The following CRTAM variants were observed in gnomAD, a reference collection of about 807,000 sequenced individuals.
CRTAM encodes cytotoxic and regulatory T-cell molecule.
Under a neutral mutation model 50.0 loss-of-function variants are expected in CRTAM, and 44 were observed. The ratio of observed to expected loss-of-function variants is 0.88; its 90% CI spans 0.69 to 1.13. CRTAM has a LOEUF of 1.13. Among genes scored for constraint, CRTAM ranks in the 50% most tolerant of loss-of-function variants. The pLI, the probability that CRTAM is intolerant of heterozygous loss-of-function variation, is 0.00. For synonymous variants in CRTAM, 159 were observed against 169.3 expected, an observed-to-expected ratio of 0.94 and a Z score of 0.47; for missense variants, 448 against 457.5, an observed-to-expected ratio of 0.98 and a Z score of 0.19.
intron 5 of CRTAM, among the ~76,000 whole-genome samples, chr11:122,857,645 T>C (rs757788261): frequency 6.6e-6 from 1 of 152,220 alleles, no homozygotes; most frequent in South Asian, 2.1e-4. Context: ...CATATAGATG[T>C]TACAAACATT....
chr11:122,868,301 A>G (rs1862208482), intron 9 of CRTAM, among the ~76,000 whole-genome samples: 1 of 151,262 alleles, frequency 6.6e-6, no homozygotes, highest in African/African-American at 2.4e-5. Flanking sequence ...GTCCTTGGAC[A>G]GGAGGTCTGC....
At chr11:122,853,412 G>A (rs1295156915) in intron 3 of CRTAM, among the ~76,000 whole-genome samples, 3 of 151,966 alleles carry the variant, frequency 2.0e-5, no homozygotes, top group African/African-American at 7.3e-5. Context: ...TTGCTTGTTC[G>A]GGAATTTTCA....
At chr11:122,860,828 C>T (rs1197391710) in intron 5 of CRTAM, among the ~76,000 whole-genome samples, 3 of 152,246 alleles carry the variant, frequency 2.0e-5, no homozygotes, top group Admixed American at 6.5e-5. Flanking sequence ...CCTTGGCCTC[C>T]TGAGTAGTTG....
intron 1 of CRTAM, among the ~76,000 whole-genome samples, chr11:122,848,190 G>A (rs1861889407): frequency 6.6e-6 from 1 of 152,200 alleles, no homozygotes; most frequent in African/African-American, 2.4e-5. Flanking sequence ...CTAACATACT[G>A]CCAAGGTGGA....
intron 1 of CRTAM, among the ~76,000 whole-genome samples, chr11:122,847,442 G>A (rs774865249): frequency 6.6e-5 from 10 of 152,224 alleles, no homozygotes; most frequent in Non-Finnish European, 1.5e-4. Context: ...TAAGACTGAT[G>A]TAGGGAGAAT....
At chr11:122,856,543 C>CT (rs1175558150) in intron 5 of CRTAM, among the ~76,000 whole-genome samples, 1 of 152,200 alleles carries the variant, frequency 6.6e-6, no homozygotes, top group African/African-American at 2.4e-5. Context: ...TAGTAGGACT[C>CT]TGAGTTTCAC....
At chr11:122,862,194 T>A (rs1862094498) in intron 5 of CRTAM, 1 of 466,924 alleles carries the variant, frequency 2.1e-6, no homozygotes, top group African/African-American at 1.9e-5. Context: ...AGGACACAGA[T>A]AGAAACAGTG....
At chr11:122,865,621 C>A (rs1423865575) in intron 7 of CRTAM, among the ~76,000 whole-genome samples, 3 of 152,094 alleles carry the variant, frequency 2.0e-5, no homozygotes, top group African/African-American at 7.2e-5. Flanking sequence ...TCCAGAACAT[C>A]CTCCTCAGCA....
intron 1 of CRTAM, among the ~76,000 whole-genome samples, chr11:122,844,907 G>A (rs116040023): frequency 0.023 from 3,556 of 152,240 alleles, 132 homozygotes; most frequent in African/African-American, 0.081. Context: ...GAATAACTAG[G>A]CTATTTGCTG....
At chr11:122,858,068 A>G (rs1487454699) in intron 5 of CRTAM, among the ~76,000 whole-genome samples, 1 of 151,868 alleles carries the variant, frequency 6.6e-6, no homozygotes, top group African/African-American at 2.4e-5. Flanking sequence ...ATGCACCACT[A>G]CATCTGGCTA....
At chr11:122,862,887 G>A (rs891684474) in intron 6 of CRTAM, among the ~76,000 whole-genome samples, 14 of 146,264 alleles carry the variant, frequency 9.6e-5, no homozygotes, top group Admixed American at 2.7e-4. Context: ...AGAGAGACTC[G>A]TTTCTTTGTT....
rs1195317510 is a variant in CRTAM, at chr11:122,864,682, GAA to G, written c.782_783del (p.Lys261ArgfsTer8). ...SSTSEIDKEE[K>X]EQTTQDPDLT... is the part of the protein sequence containing the mutation. ...GTACATCGGAGATTGACAAGGAAGA[GAA>G]AGAACAAACCACTCAAGATCCTGAC... On this transcript the variant is annotated frameshift_variant, in exon 7 of 10. Transcript: ENST00000227348. LOFTEE classifies it high-confidence loss of function. The G allele has an allele frequency of 1.2e-6, 2 of 1,613,654 alleles. No homozygotes were observed. Among genetic ancestry groups the G allele is most frequent in the African/African-American group, 1.3e-5 (1 of 74,906 alleles).
chr11:122,849,393 G>A (rs1448273587), intron 1 of CRTAM, among the ~76,000 whole-genome samples: 1 of 152,330 alleles, frequency 6.6e-6, no homozygotes, highest in South Asian at 2.1e-4. Flanking sequence ...CGTCTGTAAA[G>A]TGAGCACAAT....
intron 6 of CRTAM, 88 bp from the exon 7 acceptor site, chr11:122,864,548 C>A (rs1862142791): frequency 4.5e-6 from 4 of 879,796 alleles, no homozygotes; most frequent in Non-Finnish European, 7.2e-6. Context: ...TCCCAAGCTG[C>A]TCTGGGAAGA....
chr11:122,868,832 C>A (rs1011361211), intron 9 of CRTAM, among the ~76,000 whole-genome samples: 15 of 152,152 alleles, frequency 9.9e-5, no homozygotes, highest in Non-Finnish European at 1.5e-4. Context: ...CACAGTGAAA[C>A]CCTGTCTCTA....
intron 1 of CRTAM, among the ~76,000 whole-genome samples, chr11:122,844,429 T>C (rs1354591261): frequency 6.6e-6 from 1 of 152,248 alleles, no homozygotes; most frequent in Non-Finnish European, 1.5e-5. Flanking sequence ...TGTCAATGTC[T>C]AGTCCTCAAG....
intron 2 of CRTAM, 69 bp from the exon 3 acceptor site, chr11:122,851,624 C>G: frequency 6.9e-7 from 1 of 1,445,548 alleles, no homozygotes; most frequent in Non-Finnish European, 9.7e-7. Flanking sequence ...CTTCTGGCAT[C>G]TACTGGGTAG....
rs544613632 is a variant in CRTAM at position 122,864,687 on chromosome 11, A to G, written c.785A>G (p.Glu262Gly). ...STSEIDKEEK[E>G]QTTQDPDLTT... The stretch of plus-strand genomic sequence containing the variant: ...TCGGAGATTGACAAGGAAGAGAAAG[A>G]ACAAACCACTCAAGATCCTGACTTG... Residue 262 changes from glutamate (E) to glycine (G), a missense_variant, in exon 7 of 10, where the codon GAA (glutamate) becomes GGA (glycine). By Grantham distance (98) the Glu-to-Gly change is moderately conservative. Coordinates refer to ENST00000227348, the MANE Select transcript of CRTAM (RefSeq NM_019604.4). 7.4e-6 allele frequency: 12 copies of G among 1,613,932 alleles called. No homozygotes were observed. Among genetic ancestry groups the G allele is most frequent in the African/African-American group, 5.3e-5 (4 of 75,048 alleles).
In CRTAM at chr11:122,838,536, C is replaced by G; in HGVS notation, c.-11C>G. The G allele has an allele frequency of 6.2e-7, 1 of 1,613,966 alleles. No individual in the cohort carries two copies. Among genetic ancestry groups the G allele is most frequent in the Non-Finnish European group, 8.5e-7 (1 of 1,179,870 alleles). On this transcript the variant is annotated 5_prime_UTR_variant, in exon 1 of 10. Transcript: ENST00000227348. ...GAAGTTGACAAAGGTGCCACAGCAG[C>G]ACAGCACAGTATGTGGTGGAGAGTT... is the stretch of plus-strand genomic sequence containing the variant.
Sources: allele counts gnomAD v4.1 joint callset (sites outside exome capture counted in the v4.1 genomes callset), GRCh38; gene constraint gnomAD v4.1.1; transcripts MANE v1.5; gene names NCBI Gene and HGNC (gene_info 2026-07-23, HGNC 2026-07-21).